ALDH1A2: variants seen among roughly 807,000 people sequenced by gnomAD.
ALDH1A2 encodes aldehyde dehydrogenase 1 family member A2.
In ALDH1A2, 27 loss-of-function variants were observed where a neutral mutation model predicts 60.3. The observed-to-expected ratio is 0.45, with a 90% CI of 0.33 to 0.62. The LOEUF (loss-of-function observed/expected upper bound fraction) is 0.62. ALDH1A2 is among the 20% of genes least tolerant of loss of function. The pLI is 0.02. For synonymous variants in ALDH1A2, 289 were observed against 232.4 expected (o/e 1.24, Z -2.21); for missense variants, 581 against 643.8 (o/e 0.90, Z 1.06).
intron 11 of ALDH1A2, 60 bp from the exon 12 acceptor site, chr15:57,960,904 G>A: frequency 4.7e-6 from 7 of 1,492,366 alleles, no homozygotes; most frequent in Non-Finnish European, 6.5e-6. Flanking sequence ...TAATCTGACT[G>A]GCATGGTATT....
At chr15:58,043,400 T>C (rs1273159272) in intron 1 of ALDH1A2, among the ~76,000 whole-genome samples, 2 of 152,006 alleles carry the variant, frequency 1.3e-5, no homozygotes, top group African/African-American at 4.8e-5. Context: ...AGAACACATG[T>C]GGCCACCAGT....
At chr15:58,013,349 G>C (rs1182348506) in intron 3 of ALDH1A2, among the ~76,000 whole-genome samples, 2 of 152,138 alleles carry the variant, frequency 1.3e-5, no homozygotes, top group Admixed American at 1.3e-4. Flanking sequence ...GGGAGGGGGA[G>C]TTTTAGAAAA....
intron 1 of ALDH1A2, among the ~76,000 whole-genome samples, chr15:58,056,118 G>A (rs1896889579): frequency 1.3e-5 from 2 of 152,098 alleles, no homozygotes; most frequent in Admixed American, 1.3e-4. Context: ...AAGAAAGGTA[G>A]GGAAATTAAG....
At chr15:58,055,610 G>GT (rs1896876039) in intron 1 of ALDH1A2, among the ~76,000 whole-genome samples, 1 of 152,012 alleles carries the variant, frequency 6.6e-6, no homozygotes, top group South Asian at 2.1e-4. Flanking sequence ...GGTGTTATAT[G>GT]TAAGTATATA....
intron 12 of ALDH1A2, among the ~76,000 whole-genome samples, chr15:57,955,499 A>G (rs966006294): frequency 1.3e-5 from 2 of 152,204 alleles, no homozygotes; most frequent in East Asian, 3.8e-4. Context: ...AAAGTTTTTT[A>G]AAGTAGTTTT....
intron 4 of ALDH1A2, among the ~76,000 whole-genome samples, 188 bp downstream of exon 4, chr15:58,010,461 T>C (rs1470668596): frequency 1.3e-5 from 2 of 152,182 alleles, no homozygotes; most frequent in Non-Finnish European, 2.9e-5. Context: ...TACTTATATA[T>C]TTCTATCTAT....
At chr15:58,018,982 G>C (rs974293103) in intron 1 of ALDH1A2, among the ~76,000 whole-genome samples, 17 of 152,060 alleles carry the variant, frequency 1.1e-4, no homozygotes, top group African/African-American at 4.1e-4. Flanking sequence ...GGTGAAATTT[G>C]AATAAGATTT....
At position 57,955,022 on chromosome 15, in the gene ALDH1A2, CTG is replaced by C. The variant is rs1202878030; in HGVS notation, c.*173_*174del. On this transcript the variant is annotated 3_prime_UTR_variant, in exon 13 of 13. Coordinates refer to ENST00000249750, the MANE Select transcript of ALDH1A2 (RefSeq NM_003888.4). ...TGGCCCCTTACAGAGTGCCAAGAAA[CTG>C]TACCCAGCTGGTTTGCTTTAGTTGT... The C allele has an allele frequency of 3.8e-5, 28 of 728,814 alleles. No individual in the cohort carries two copies. The Admixed American group carries it at 5.3e-4, about 14-fold the overall frequency. 45.1% of individuals were successfully genotyped at this position (728,814 alleles called of 1,614,324 possible).
intron 4 of ALDH1A2, among the ~76,000 whole-genome samples, chr15:58,003,067 T>A (rs1010409706): frequency 1.3e-5 from 2 of 151,954 alleles, no homozygotes; most frequent in African/African-American, 4.8e-5. Context: ...GTCATGAAGA[T>A]AGCTTAGCTC....
At chr15:58,007,643 T>C (rs540090813) in intron 4 of ALDH1A2, among the ~76,000 whole-genome samples, 2 of 152,174 alleles carry the variant, frequency 1.3e-5, no homozygotes, top group East Asian at 1.9e-4. Flanking sequence ...TAAAAGAATA[T>C]TTTATACTTT....
intron 4 of ALDH1A2, among the ~76,000 whole-genome samples, chr15:58,009,025 C>T (rs1347474189): frequency 1.3e-5 from 2 of 152,060 alleles, no homozygotes; most frequent in African/African-American, 4.8e-5. Flanking sequence ...AGGGAAAAAC[C>T]TCTAGATGGA....
intron 7 of ALDH1A2, among the ~76,000 whole-genome samples, chr15:57,978,670 G>A (rs932268232): frequency 6.6e-6 from 1 of 152,156 alleles, no homozygotes; most frequent in Admixed American, 6.5e-5. Context: ...TACTTGGAGG[G>A]GCATGTGGCC....
chr15:57,963,781 A>C (rs1464890247), intron 9 of ALDH1A2, 104 bp downstream of exon 9: 6 of 1,224,272 alleles, frequency 4.9e-6, no homozygotes, highest in Non-Finnish European at 7.1e-6. Flanking sequence ...TAAAGGAGTC[A>C]GCCGAAAAGG....
intron 7 of ALDH1A2, among the ~76,000 whole-genome samples, chr15:57,971,540 C>T (rs1371531020): frequency 6.6e-6 from 1 of 151,884 alleles, no homozygotes; most frequent in African/African-American, 2.4e-5. Context: ...ATCCTCCCAA[C>T]TCAGCCTGAG....
intron 1 of ALDH1A2, among the ~76,000 whole-genome samples, chr15:58,046,478 G>A (rs1194996534): frequency 6.6e-6 from 1 of 151,990 alleles, no homozygotes; most frequent in Non-Finnish European, 1.5e-5. Flanking sequence ...GATTAATCTT[G>A]TATGTATTCC....
chr15:58,056,358 T>C (rs1204431827), intron 1 of ALDH1A2, among the ~76,000 whole-genome samples: 3 of 152,154 alleles, frequency 2.0e-5, no homozygotes, highest in Non-Finnish European at 4.4e-5. Context: ...TTAAAAATTA[T>C]TTAAACATCA....
intron 1 of ALDH1A2, among the ~76,000 whole-genome samples, chr15:58,017,823 A>C (rs1895827216): frequency 6.6e-6 from 1 of 152,176 alleles, no homozygotes; most frequent in African/African-American, 2.4e-5. Context: ...TAAAAATAAA[A>C]ATAAAATGAA....
rs1212830862 is a variant in ALDH1A2, at chr15:57,993,192, A to G, written c.556-119T>C. 1.0e-5 allele frequency: 12 copies of G among 1,199,208 alleles called. No individual in the cohort carries two copies. The East Asian group carries it at 3.0e-4, about 30-fold the overall frequency. 74.3% of individuals were successfully genotyped at this position (1,199,208 alleles called of 1,614,324 possible). ...CTCGACATAAATCTTGTCCACTACAAAGTACAGATGTTTGGATTTTCAATT... is the reference window on the plus strand; with the variant it reads ...CTCGACATAAATCTTGTCCACTACAGAGTACAGATGTTTGGATTTTCAATT... On this transcript the variant is annotated intron_variant, in intron 5 of 12. Transcript: ENST00000249750.
chr15:57,989,008 G>T (rs1436959491), intron 7 of ALDH1A2, among the ~76,000 whole-genome samples: 2 of 116,322 alleles, frequency 1.7e-5, no homozygotes, highest in African/African-American at 5.9e-5. Context: ...CTCTACTTAA[G>T]ATAAAAAAAA....
Sources: gnomAD v4.1 joint callset for allele counts (sites outside exome capture counted in the v4.1 genomes callset) on GRCh38, gnomAD v4.1.1 for gene constraint, MANE v1.5 for transcripts, NCBI Gene and HGNC (gene_info 2026-07-23, HGNC 2026-07-21) for gene names.